Variants in ARHGAP21 observed in about 807,000 individuals in gnomAD.
ARHGAP21 encodes the protein rho GTPase-activating protein 21.
In ARHGAP21, 38 loss-of-function variants were observed where a neutral mutation model predicts 164.6. The ratio of observed to expected loss-of-function variants is 0.23; its 90% confidence interval spans 0.18 to 0.30. The LOEUF (loss-of-function observed/expected upper bound fraction) is 0.30. Ranked by LOEUF, ARHGAP21 falls within the 10% of genes least tolerant of loss-of-function variation. The pLI is 1.00. For synonymous variants in ARHGAP21, 766 were observed against 857.9 expected (o/e 0.89, Z 1.87); for missense variants, 1,822 against 2,370.7 (o/e 0.77, Z 4.81).
At chr10:24,597,874 C>T in intron 15 of ARHGAP21, 71 bp downstream of exon 15, 1 of 1,472,482 alleles carries the variant, frequency 6.8e-7, no homozygotes, top group Non-Finnish European at 9.4e-7. Flanking sequence ...TGGAATGTAT[C>T]CTTGCAAATA....
chr10:24,638,010 G>A (rs556923986), intron 4 of ARHGAP21, among the ~76,000 whole-genome samples: 2 of 151,960 alleles, frequency 1.3e-5, no homozygotes, highest in South Asian at 4.2e-4. Context: ...GATAACAGGT[G>A]CCCGCCACCA....
intron 2 of ARHGAP21, among the ~76,000 whole-genome samples, chr10:24,688,107 G>C (rs1053087227): frequency 6.6e-6 from 1 of 152,162 alleles, no homozygotes; most frequent in African/African-American, 2.4e-5. Flanking sequence ...ATTCAATTTG[G>C]TGGCCAGGTG....
chr10:24,584,299 C>A lies in ARHGAP21; in HGVS notation c.*113G>T. On this transcript the variant is annotated 3_prime_UTR_variant, in exon 26 of 26. Transcript: ENST00000396432. ...TATTTCACAGTGCAAAATGATGAAA[C>A]CAGCCCAAATGAAGGCTGCATAATA... 5 of 1,267,956 alleles carry A rather than the reference C, an allele frequency of 3.9e-6. No homozygotes were observed. Among genetic ancestry groups the A allele is most frequent in the Non-Finnish European group, 4.4e-6 (4 of 917,178 alleles). 78.5% of individuals were successfully genotyped at this position (1,267,956 alleles called of 1,614,324 possible). A position where few individuals can be genotyped will look rare whatever the true frequency, so the allele number is the denominator to read the frequency against.
intron 2 of ARHGAP21, among the ~76,000 whole-genome samples, chr10:24,685,858 C>T (rs1244477756): frequency 1.3e-5 from 2 of 151,852 alleles, no homozygotes; most frequent in Admixed American, 6.6e-5. Flanking sequence ...TTTAGTTAAC[C>T]CACTCACTAA....
rs138289915 is a variant in ARHGAP21, at chr10:24,704,796, G to T, written c.63+17041C>A. 3.8e-3 allele frequency among the ~76,000 whole-genome samples: 581 copies of T among 152,138 alleles called. 2 individuals carry two copies. Among genetic ancestry groups the T allele is most frequent in the African/African-American group, 0.013 (556 of 41,502 alleles). On this transcript the variant is annotated intron_variant, in intron 2 of 25. Transcript: ENST00000396432. Reference sequence around the variant, plus strand: ...AATTTTTCTATTTTTGGTAGAGATAGGGTTTCTCCATGTTGGCCAGGCTGC... The same window carrying T: ...AATTTTTCTATTTTTGGTAGAGATATGGTTTCTCCATGTTGGCCAGGCTGC...
intron 17 of ARHGAP21, chr10:24,596,501 C>T (rs1354942025): frequency 1.8e-5 from 10 of 566,426 alleles, no homozygotes; most frequent in Admixed American, 3.7e-5. Context: ...GATTTGAAGA[C>T]GAATTCTTAC....
chr10:24,658,383 T>C (rs1486227038), intron 4 of ARHGAP21, among the ~76,000 whole-genome samples: 5 of 152,184 alleles, frequency 3.3e-5, no homozygotes, highest in African/African-American at 1.2e-4. Context: ...CACACACATA[T>C]GTTTATTGCG....
At position 24,585,580 on chromosome 10, in the gene ARHGAP21, T is replaced by C. The variant is rs2076069682; in HGVS notation, c.4709A>G (p.Glu1570Gly). ...RFSMKKSTSP[E>G]TKHSEFLANV... ...GGCCAAAAACTCGCTATGTTTCGTTTCTGGACTGGTTGATTTCTTCATGGA... is the reference window on the plus strand; with the variant it reads ...GGCCAAAAACTCGCTATGTTTCGTTCCTGGACTGGTTGATTTCTTCATGGA... Residue 1570 changes from glutamate (E) to glycine (G), a missense_variant, in exon 26 of 26, where the codon GAA becomes GGA. By Grantham distance (98) the Glu-to-Gly change is moderately conservative. Around this residue, in one of 5 missense-constraint regions of ARHGAP21, gnomAD observed 333 missense variants for 383.9 expected, o/e 0.87. Transcript: ENST00000396432. 6.2e-7 allele frequency: 1 copy of C among 1,614,182 alleles called. No homozygotes were observed. Among genetic ancestry groups the C allele is most frequent in the Non-Finnish European group, 8.5e-7 (1 of 1,180,024 alleles).
intron 2 of ARHGAP21, among the ~76,000 whole-genome samples, chr10:24,700,676 A>C (rs758448936): frequency 6.6e-6 from 1 of 152,248 alleles, no homozygotes. Context: ...ATAATTATTT[A>C]AATAATATGG....
rs188496963 is a variant in ARHGAP21, at chr10:24,690,853, T to C, written c.64-20456A>G. Among the ~76,000 whole-genome samples, 282 of 150,046 alleles carry C rather than the reference T, an allele frequency of 1.9e-3. 2 individuals are homozygous for C. Among genetic ancestry groups the C allele is most frequent in the Middle Eastern group, 6.9e-3 (2 of 288 alleles). On this transcript the variant is annotated intron_variant, in intron 2 of 25. Coordinates refer to ENST00000396432, the MANE Select transcript of ARHGAP21 (RefSeq NM_020824.4). Reference sequence around the variant, plus strand: ...AAAAAAAAAAATATATATATATATATACACATATATATATACACACACACA... The same window carrying C: ...AAAAAAAAAAATATATATATATATACACACATATATATATACACACACACA...
At chr10:24,622,619 C>T (rs1455156298) in intron 8 of ARHGAP21, 114 bp downstream of exon 8, 11 of 1,105,678 alleles carry the variant, frequency 9.9e-6, no homozygotes, top group South Asian at 3.3e-5. Flanking sequence ...AAGATTAACA[C>T]GATAGAGGGA....
intron 4 of ARHGAP21, among the ~76,000 whole-genome samples, chr10:24,636,394 G>A (rs1012105075): frequency 1.3e-5 from 2 of 152,196 alleles, no homozygotes; most frequent in African/African-American, 4.8e-5. Flanking sequence ...TCCTGAATCA[G>A]AAACTCTGAG....
At chr10:24,609,493 T>G (rs1345157680) in intron 9 of ARHGAP21, among the ~76,000 whole-genome samples, 1 of 152,214 alleles carries the variant, frequency 6.6e-6, no homozygotes, top group East Asian at 1.9e-4. Context: ...GGCTTACTCA[T>G]TTCAGTATTG....
At chr10:24,590,969 C>G in intron 24 of ARHGAP21, 7 of 894,604 alleles carry the variant, frequency 7.8e-6, no homozygotes, top group Non-Finnish European at 9.3e-6. Context: ...AAGAACAAAA[C>G]AGTGGTTTGC....
In ARHGAP21 at chr10:24,596,753, G is replaced by A. The variant is rs1400705316; in HGVS notation, c.3464C>T (p.Ala1155Val). The A allele has an allele frequency of 6.2e-7, 1 of 1,613,290 alleles. No individual in the cohort carries two copies. The highest frequency in any genetic ancestry group is 8.5e-7 in the Non-Finnish European group (1 of 1,179,790). The change falls in exon 17 of 26, where the codon GCT becomes GTT. Residue 1155 changes from alanine to valine, a missense_variant. Coordinates refer to ENST00000396432, the MANE Select transcript of ARHGAP21 (RefSeq NM_020824.4). The stretch of plus-strand genomic sequence containing the variant: ...GGTGTCTCCTACCCGATTAGTATGA[G>A]CTGGTGGGCAGTCATCTAGTCGGAC... Reference protein sequence around the residue: ...FGVRLDDCPPAHTNRYIPLIV... With the variant: ...FGVRLDDCPPVHTNRYIPLIV...
intron 2 of ARHGAP21, 33 bp from the exon 3 acceptor site, chr10:24,670,430 A>C: frequency 7.0e-7 from 1 of 1,429,902 alleles, no homozygotes; most frequent in Non-Finnish European, 9.4e-7. Flanking sequence ...AGTTAACTAC[A>C]TAACACAATA....
intron 4 of ARHGAP21, among the ~76,000 whole-genome samples, chr10:24,663,847 G>C (rs931465789): frequency 5.3e-5 from 8 of 152,016 alleles, no homozygotes; most frequent in African/African-American, 1.4e-4. Flanking sequence ...TCTTTGTTGT[G>C]GGGGGGCTGC....
chr10:24,595,637 T>C (rs1435151749), intron 19 of ARHGAP21, 80 bp downstream of exon 19: 99 of 1,409,302 alleles, frequency 7.0e-5, no homozygotes, highest in Non-Finnish European at 9.8e-6. Context: ...CATTTTGTCC[T>C]TGTTCAATTT....
chr10:24,585,810 T>A lies in ARHGAP21; in HGVS notation c.4479A>T (p.Leu1493=), dbSNP rs1168584002. The change falls in exon 26 of 26, where the codon CTA becomes CTT. Residue 1493 remains leucine (L), a synonymous_variant. Coordinates refer to ENST00000396432, the MANE Select transcript of ARHGAP21 (RefSeq NM_020824.4). ...PSTTKDEKIS[L]GKESTPSEEP... is the part of the protein sequence containing the mutation. ...CTTCAGAAGGCGTGCTCTCTTTTCCTAGTGATATCTTTTCATCTTTTGTCG... is the reference window on the plus strand; with the variant it reads ...CTTCAGAAGGCGTGCTCTCTTTTCCAAGTGATATCTTTTCATCTTTTGTCG... 1 of 1,613,926 alleles carries A rather than the reference T, an allele frequency of 6.2e-7. No individual in the cohort carries two copies.
Sources: allele counts gnomAD v4.1 joint callset (sites outside exome capture counted in the v4.1 genomes callset), GRCh38; gene constraint gnomAD v4.1.1; regional missense constraint gnomAD v4.1.1; transcripts MANE v1.5; gene names NCBI Gene and HGNC (gene_info 2026-07-23, HGNC 2026-07-21).